ARHGEF4: variants seen among roughly 807,000 people sequenced by gnomAD.
The protein encoded by ARHGEF4 is Rho guanine nucleotide exchange factor 4, also known as APC-stimulated guanine nucleotide exchange factor 1.
In ARHGEF4, 119 loss-of-function variants were observed where a neutral mutation model predicts 162.0. The ratio of observed to expected loss-of-function variants is 0.73; its 90% CI spans 0.63 to 0.86. ARHGEF4 has a LOEUF of 0.86. ARHGEF4 is among the 40% of genes least tolerant of loss of function. The pLI is 0.00. For missense variants in ARHGEF4, 2,488 were observed against 2,456.0 expected (o/e 1.01, Z -0.28); for synonymous variants, 1,014 against 979.9 (o/e 1.03, Z -0.65).
At chr2:130,851,376 G>T (rs61387579) in intron 1 of ARHGEF4, among the ~76,000 whole-genome samples, 17,391 of 152,324 alleles carry the variant, frequency 0.11, 1,094 homozygotes, top group South Asian at 0.22. Flanking sequence ...TCACACTGTT[G>T]TGTCTTCTCA....
At chr2:130,942,152 C>CTTTTTTT (rs36087462) in intron 3 of ARHGEF4, among the ~76,000 whole-genome samples, 1 of 129,852 alleles carries the variant, frequency 7.7e-6, no homozygotes, top group African/African-American at 2.9e-5. Flanking sequence ...TTTCTTTTTT[C>CTTTTTTT]TTTTTTTTTT....
chr2:130,931,351 C>T, intron 3 of ARHGEF4, 94 bp downstream of exon 3: 6 of 1,351,082 alleles, frequency 4.4e-6, no homozygotes, highest in South Asian at 1.5e-5. Flanking sequence ...GCCTGACTCT[C>T]CTGAGATGTA....
At chr2:131,014,042 A>G (rs1280977388) in intron 4 of ARHGEF4, among the ~76,000 whole-genome samples, 1 of 152,228 alleles carries the variant, frequency 6.6e-6, no homozygotes, top group East Asian at 1.9e-4. Context: ...GGTGAAAATA[A>G]TGAAAATTTT....
intron 1 of ARHGEF4, among the ~76,000 whole-genome samples, chr2:130,882,784 G>T (rs2104964195): frequency 6.6e-6 from 1 of 151,984 alleles, no homozygotes; most frequent in Non-Finnish European, 1.5e-5. Context: ...AATGTCTGTG[G>T]GTGCAGGCAG....
intron 1 of ARHGEF4, among the ~76,000 whole-genome samples, chr2:130,868,787 C>A (rs72992419): frequency 0.011 from 1,746 of 152,286 alleles, 34 homozygotes; most frequent in African/African-American, 0.038. Flanking sequence ...AGCCCAAAGC[C>A]AGCCGCACTG....
intron 4 of ARHGEF4, among the ~76,000 whole-genome samples, chr2:131,015,149 C>T (rs984202585): frequency 6.6e-6 from 1 of 152,106 alleles, no homozygotes; most frequent in Non-Finnish European, 1.5e-5. Flanking sequence ...AACTGGGAGA[C>T]GAAGGAGCCT....
intron 4 of ARHGEF4, chr2:130,947,346 A>G (rs1347861395): frequency 6.6e-6 from 1 of 152,236 alleles, no homozygotes; most frequent in Non-Finnish European, 1.5e-5. Context: ...GTGAGCTGAG[A>G]TTGTGCCACT....
rs766280444 is a variant in ARHGEF4, at chr2:130,915,409, C to G, written c.1463C>G (p.Thr488Arg). Reference protein sequence around the residue: ...LAPRAADERETQKHLWGISVQ... With the variant: ...LAPRAADERERQKHLWGISVQ... ...CCAAGAGCTGCTGATGAGAGAGAGA[C>G]ACAGAAGCACCTCTGGGGCATTTCT... Residue 488 changes from threonine (T) to arginine (R), a missense_variant, in exon 2 of 14, where the codon ACA becomes AGA. Physicochemically the swap from Thr to Arg is moderately conservative, Grantham distance 71 (BLOSUM62 -1). Transcript: ENST00000409359. 10 of 1,550,448 alleles carry G rather than the reference C, an allele frequency of 6.4e-6. No homozygotes were observed. The highest frequency in any genetic ancestry group is 5.9e-5 in the South Asian group (5 of 84,064).
intron 1 of ARHGEF4, among the ~76,000 whole-genome samples, chr2:130,895,734 A>G (rs570592371): frequency 2.0e-4 from 31 of 152,228 alleles, no homozygotes; most frequent in African/African-American, 7.0e-4. Flanking sequence ...CATAGTCTAG[A>G]TATGATTCCC....
Position 131,046,343 on chromosome 2 carries a change from T to C in ARHGEF4, c.*154T>C. 1 of 772,034 alleles carries C rather than the reference T, an allele frequency of 1.3e-6. No homozygotes were observed. The highest frequency in any genetic ancestry group is 1.7e-5 in the African/African-American group (1 of 57,264). 47.8% of individuals were successfully genotyped at this position (772,034 alleles called of 1,614,324 possible). ...GTGCCACCAAGACGTGCCAGGTCTG[T>C]ACTCCTGTTGTCTTTTTCCCTGCTC... On this transcript the variant is annotated 3_prime_UTR_variant, in exon 14 of 14. Coordinates refer to ENST00000409359, the MANE Select transcript of ARHGEF4 (RefSeq NM_001367493.1).
chr2:131,013,635 C>T (rs907224282), intron 4 of ARHGEF4, among the ~76,000 whole-genome samples: 1 of 152,236 alleles, frequency 6.6e-6, no homozygotes, highest in African/African-American at 2.4e-5. Flanking sequence ...GAGTCTTGCT[C>T]TGTTGCCCAG....
At chr2:130,879,853 G>A (rs966589308) in intron 1 of ARHGEF4, among the ~76,000 whole-genome samples, 3 of 151,962 alleles carry the variant, frequency 2.0e-5, no homozygotes, top group Non-Finnish European at 1.5e-5. Context: ...ACCTGAGCTC[G>A]CCGCAGCCTT....
chr2:131,044,634 A>C, intron 12 of ARHGEF4, 92 bp downstream of exon 12: 19 of 1,471,136 alleles, frequency 1.3e-5, no homozygotes, highest in Non-Finnish European at 1.7e-5. Flanking sequence ...AGCGCCGCTC[A>C]GCCCTCTCAG....
chr2:131,003,765 A>T (rs1687928087), intron 4 of ARHGEF4, among the ~76,000 whole-genome samples: 1 of 152,246 alleles, frequency 6.6e-6, no homozygotes, highest in Non-Finnish European at 1.5e-5. Context: ...CAAAGATGAC[A>T]TCTGACAACA....
At chr2:130,885,201 T>G (rs754144276) in intron 1 of ARHGEF4, among the ~76,000 whole-genome samples, 1 of 152,102 alleles carries the variant, frequency 6.6e-6, no homozygotes, top group African/African-American at 2.4e-5. Flanking sequence ...ACTGTAATCA[T>G]GTTTACTTGT....
intron 4 of ARHGEF4, among the ~76,000 whole-genome samples, chr2:130,961,046 A>G (rs1408838125): frequency 6.6e-6 from 1 of 152,202 alleles, no homozygotes. Context: ...AGGCACTGGC[A>G]TGGCACCCTC....
In ARHGEF4 at chr2:131,028,012, T is replaced by A; in HGVS notation, c.4053T>A (p.Tyr1351Ter). 6.2e-7 allele frequency: 1 copy of A among 1,613,978 alleles called. No individual in the cohort carries two copies. The highest frequency in any genetic ancestry group is 8.5e-7 in the Non-Finnish European group (1 of 1,179,996). The change falls in exon 5 of 14, where the codon TAT becomes TAA. Residue 1351 changes from tyrosine (Y) to a stop codon, truncating the protein, a stop_gained. Transcript: ENST00000409359. LOFTEE classifies it high-confidence loss of function. ...AAGTGGGGAGCGAGGAGGACCTGTA[T>A]GATGACCTGCACAGCTCCAGCCACC... ...ADEVGSEEDL[Y>*]DDLHSSSHHY... is the part of the protein sequence containing the mutation.
At chr2:130,998,149 G>C (rs1205400422) in intron 4 of ARHGEF4, among the ~76,000 whole-genome samples, 1 of 152,068 alleles carries the variant, frequency 6.6e-6, no homozygotes, top group Non-Finnish European at 1.5e-5. Context: ...TTTTCACATA[G>C]TGCCATACTT....
At position 131,038,966 on chromosome 2, in the gene ARHGEF4, C is replaced by G. The variant is rs769816705; in HGVS notation, c.4239C>G (p.Thr1413=). 1 of 1,613,770 alleles carries G rather than the reference C, an allele frequency of 6.2e-7. No homozygotes were observed. Among genetic ancestry groups the G allele is most frequent in the Non-Finnish European group, 8.5e-7 (1 of 1,180,000 alleles). ...AGDVIEVMDA[T]NREWWWGRVA... is the part of the protein sequence containing the mutation. ...ACGTCATCGAAGTGATGGATGCCAC[C>G]AACAGAGAGTGGTGGTGGGGCCGGG... The change falls in exon 6 of 14, where the codon ACC becomes ACG. Residue 1413 remains threonine (T), a synonymous_variant. Coordinates refer to ENST00000409359, the MANE Select transcript of ARHGEF4 (RefSeq NM_001367493.1).
Sources: allele counts gnomAD v4.1 joint callset (sites outside exome capture counted in the v4.1 genomes callset), GRCh38; gene constraint gnomAD v4.1.1; transcripts MANE v1.5; gene names NCBI Gene and HGNC (gene_info 2026-07-23, HGNC 2026-07-21).